GCNT2: variants seen among roughly 807,000 people sequenced by gnomAD.
GCNT2 encodes glucosaminyl (N-acetyl) transferase 2 (I blood group), also known as N-acetyllactosaminide beta-1,6-N-acetylglucosaminyl-transferase.
GCNT2 carries 34 observed loss-of-function variants against 34.2 expected under a neutral mutation model. The observed-to-expected ratio is 1.00, with a 90% confidence interval of 0.76 to 1.32. GCNT2 has a LOEUF of 1.32. Ranked by LOEUF, GCNT2 falls within the 40% of genes most tolerant of loss-of-function variation. The probability of loss-of-function intolerance (pLI) is 0.00; values close to 1 mark genes in which losing one functional copy is unlikely to be tolerated. For synonymous variants in GCNT2, 212 were observed against 188.0 expected (o/e 1.13, Z -1.04); for missense variants, 584 against 489.4 (o/e 1.19, Z -1.82).
intron 3 of GCNT2, chr6:10,573,256 A>G (rs1276174423): frequency 2.2e-5 from 22 of 985,062 alleles, no homozygotes; most frequent in Admixed American, 1.2e-4. Context: ...GAATCAGAGA[A>G]AAGTTGTTGT....
chr6:10,574,893 G>A (rs946458782), intron 3 of GCNT2: 43 of 703,124 alleles, frequency 6.1e-5, no homozygotes, highest in Non-Finnish European at 9.8e-5. Context: ...TTTTCTGATC[G>A]TTTTTCTTCA....
At chr6:10,536,824 C>T (rs766936119) in intron 3 of GCNT2, among the ~76,000 whole-genome samples, 2 of 151,888 alleles carry the variant, frequency 1.3e-5, no homozygotes, top group Non-Finnish European at 2.9e-5. Context: ...CTGCCTCAGC[C>T]TCCCGAGTAC....
chr6:10,624,465 T>C (rs1318088383), intron 4 of GCNT2, among the ~76,000 whole-genome samples: 1 of 152,040 alleles, frequency 6.6e-6, no homozygotes, highest in Non-Finnish European at 1.5e-5. Flanking sequence ...AGAACAATCA[T>C]GGGGGAAACT....
At chr6:10,523,747 C>T (rs905979048) in intron 1 of GCNT2, among the ~76,000 whole-genome samples, 2 of 151,932 alleles carry the variant, frequency 1.3e-5, no homozygotes, top group African/African-American at 2.4e-5. Flanking sequence ...CCGGGGTGGG[C>T]GGATCACGAG....
intron 3 of GCNT2, chr6:10,585,671 A>T: frequency 1.4e-6 from 1 of 710,222 alleles, no homozygotes; most frequent in African/African-American, 1.8e-5. Context: ...TTTGCATTTC[A>T]TATGTAAATG....
rs577958042 is a variant in GCNT2, at chr6:10,531,439, G to A, written c.925+1603G>A. Among the ~76,000 whole-genome samples, 3 of 152,234 alleles carry A rather than the reference G, an allele frequency of 2.0e-5. No homozygotes were observed. In the South Asian group the frequency reaches 6.2e-4, roughly 32 times the overall value. Reference sequence around the variant, plus strand: ...CCTGGATGCACATTACGATCATCTGGGGCTTCTAAAAATAACTAAGCCAGG... The same window carrying A: ...CCTGGATGCACATTACGATCATCTGAGGCTTCTAAAAATAACTAAGCCAGG... On this transcript the variant is annotated intron_variant, in intron 3 of 4. Transcript: ENST00000495262.
rs2127449266 is a variant in GCNT2 at position 10,628,265 on chromosome 6, T to C, written c.*1658T>C. On this transcript the variant is annotated 3_prime_UTR_variant, in exon 5 of 5. Coordinates refer to ENST00000495262, the MANE Select transcript of GCNT2 (RefSeq NM_145649.5). ...TCCTGTAATACTAAACCGTTGAGTT[T>C]CTAAATATTTATTTATTCTAACAAA... The C allele has an allele frequency of 6.5e-6, 1 of 152,808 alleles. No homozygotes were observed. Among genetic ancestry groups the C allele is most frequent in the South Asian group, 2.1e-4 (1 of 4,830 alleles). 9.5% of individuals were successfully genotyped at this position (152,808 alleles called of 1,614,324 possible).
intron 3 of GCNT2, among the ~76,000 whole-genome samples, chr6:10,542,918 T>TTTTTA (rs1554127853): frequency 5.7e-5 from 8 of 141,496 alleles, no homozygotes; most frequent in Admixed American, 3.5e-4. Context: ...TTTTTTTTTT[T>TTTTTA]AATTTTGAGA....
At chr6:10,556,278 A>T in intron 3 of GCNT2, 2 of 1,499,906 alleles carry the variant, frequency 1.3e-6, no homozygotes, top group Non-Finnish European at 1.8e-6. Flanking sequence ...GACTCTCGGG[A>T]TGAAACGGAA....
At chr6:10,535,374 C>T (rs1214140957) in intron 3 of GCNT2, among the ~76,000 whole-genome samples, 5 of 152,178 alleles carry the variant, frequency 3.3e-5, no homozygotes, top group African/African-American at 9.7e-5. Flanking sequence ...TTAGGGCTTC[C>T]TGCCCTCCCT....
At chr6:10,582,072 T>G (rs1375899886) in intron 3 of GCNT2, 1 of 158,876 alleles carries the variant, frequency 6.3e-6, no homozygotes, top group African/African-American at 2.5e-5. Flanking sequence ...GTAATATATA[T>G]TTTAAATATG....
At chr6:10,577,335 G>A (rs1763865286) in intron 3 of GCNT2, among the ~76,000 whole-genome samples, 1 of 152,208 alleles carries the variant, frequency 6.6e-6, no homozygotes, top group Non-Finnish European at 1.5e-5. Context: ...TCCCAGGCAA[G>A]TGACTACATT....
At chr6:10,618,647 C>A (rs751580016) in intron 3 of GCNT2, among the ~76,000 whole-genome samples, 12 of 152,194 alleles carry the variant, frequency 7.9e-5, no homozygotes, top group Non-Finnish European at 1.6e-4. Flanking sequence ...AAGCCAGATT[C>A]TCTCTTTGCT....
intron 3 of GCNT2, chr6:10,573,091 A>G (rs1014846303): frequency 1.6e-6 from 1 of 634,078 alleles, no homozygotes; most frequent in Non-Finnish European, 2.0e-6. Context: ...ATCACTGCCT[A>G]TCTCTATTTT....
At chr6:10,557,324 ACACT>A (rs756067490) in intron 3 of GCNT2, 45 of 1,613,096 alleles carry the variant, frequency 2.8e-5, no homozygotes, top group Admixed American at 8.3e-5. Flanking sequence ...TTTCTGGGTG[ACACT>A]CAATAGGATT....
At chr6:10,601,831 C>T (rs959840391) in intron 3 of GCNT2, among the ~76,000 whole-genome samples, 2 of 151,464 alleles carry the variant, frequency 1.3e-5, no homozygotes, top group African/African-American at 2.4e-5. Context: ...GTCCCAGCTA[C>T]TCAGGAGGCT....
At chr6:10,582,496 A>C (rs1254585237) in intron 3 of GCNT2, among the ~76,000 whole-genome samples, 8 of 108,384 alleles carry the variant, frequency 7.4e-5, no homozygotes, top group Admixed American at 2.0e-4. Context: ...ACTATAATAT[A>C]TAATATAATA....
chr6:10,609,968 A>T (rs1235280920), intron 3 of GCNT2, among the ~76,000 whole-genome samples: 3 of 152,154 alleles, frequency 2.0e-5, no homozygotes, highest in Non-Finnish European at 2.9e-5. Flanking sequence ...CAACCATTCA[A>T]ATAGAAGGGT....
At chr6:10,623,794 A>G (rs1766148356) in intron 4 of GCNT2, among the ~76,000 whole-genome samples, 1 of 152,176 alleles carries the variant, frequency 6.6e-6, no homozygotes, top group South Asian at 2.1e-4. Context: ...GTCCACACCT[A>G]AACCATGTTG....
Sources: allele counts gnomAD v4.1 joint callset (sites outside exome capture counted in the v4.1 genomes callset), GRCh38; gene constraint gnomAD v4.1.1; transcripts MANE v1.5; gene names NCBI Gene and HGNC (gene_info 2026-07-23, HGNC 2026-07-21).